MFSD11: variants seen among roughly 807,000 people sequenced by gnomAD.
MFSD11 encodes the protein major facilitator superfamily domain containing 11.
A neutral mutation model predicts 53.5 loss-of-function variants in MFSD11; 36 were observed. That is an observed-to-expected ratio of 0.67 (90% CI 0.52 to 0.89). The LOEUF is 0.89. Ranked by LOEUF, MFSD11 falls within the 40% of genes least tolerant of loss-of-function variation. The probability of loss-of-function intolerance (pLI) is 0.00; values close to 1 mark genes in which losing one functional copy is unlikely to be tolerated. For synonymous variants in MFSD11, 186 were observed against 184.9 expected, an observed-to-expected ratio of 1.01 and a Z score of -0.05; for missense variants, 530 against 543.9, an observed-to-expected ratio of 0.97 and a Z score of 0.25.
intron 8 of MFSD11, among the ~76,000 whole-genome samples, chr17:76,763,836 A>G (rs192734969): frequency 4.6e-5 from 7 of 151,202 alleles, no homozygotes; most frequent in East Asian, 1.9e-4. Context: ...CAAAAATTGT[A>G]TATATTTATG....
rs547286096 is a variant in MFSD11, at chr17:76,776,045, C to G, written c.1050-361C>G. On this transcript the variant is annotated intron_variant, in intron 11 of 12. Transcript: ENST00000685175. The surrounding 1 kb of genome is among the most constrained non-coding windows in gnomAD (Gnocchi z 4.2). ...CAGCCTAGAATGCAAGTGGCGTGATCTCCGCTCACTGCAACCTCCACCTCC... is the reference window on the plus strand; with the variant it reads ...CAGCCTAGAATGCAAGTGGCGTGATGTCCGCTCACTGCAACCTCCACCTCC... Among the ~76,000 whole-genome samples, 21 of 152,190 alleles carry G rather than the reference C, an allele frequency of 1.4e-4. No individual in the cohort carries two copies. Among genetic ancestry groups the G allele is most frequent in the Non-Finnish European group, 2.4e-4 (16 of 68,034 alleles).
the MFSD11 span, among the ~76,000 whole-genome samples, chr17:76,794,664 T>C: frequency 7.9e-6 from 1 of 126,332 alleles, no homozygotes; most frequent in African/African-American, 3.0e-5. Context: ...AAAAAAAATC[T>C]GAAGAAGATG....
At chr17:76,748,358 C>T (rs1340915724) in intron 7 of MFSD11, among the ~76,000 whole-genome samples, 2 of 152,050 alleles carry the variant, frequency 1.3e-5, no homozygotes, top group Non-Finnish European at 2.9e-5. Context: ...AAAGGCCTCA[C>T]AGAAAAAGAT....
intron 7 of MFSD11, among the ~76,000 whole-genome samples, chr17:76,753,338 C>T (rs982418845): frequency 7.9e-5 from 12 of 151,978 alleles, no homozygotes; most frequent in Admixed American, 2.0e-4. Flanking sequence ...ATAGTAAGGG[C>T]GGTAGAAAAT....
At chr17:76,747,327 A>T (rs145169026) in intron 7 of MFSD11, among the ~76,000 whole-genome samples, 260 of 150,516 alleles carry the variant, frequency 1.7e-3, no homozygotes, top group African/African-American at 5.8e-3. Flanking sequence ...CAGACGGGGC[A>T]ACATGGTGAA....
At position 76,744,309 on chromosome 17, in the gene MFSD11, T is replaced by C; in HGVS notation, c.497-13T>C. The C allele has an allele frequency of 6.2e-7, 1 of 1,600,044 alleles. No individual in the cohort carries two copies. Among genetic ancestry groups the C allele is most frequent in the Non-Finnish European group, 8.5e-7 (1 of 1,175,802 alleles). On this transcript the variant is annotated splice_polypyrimidine_tract_variant and intron_variant, in intron 6 of 12. Coordinates refer to ENST00000685175, the MANE Select transcript of MFSD11 (RefSeq NM_001242532.5). The stretch of plus-strand genomic sequence containing the variant: ...TGGTCGATACTATCTTGTTTCTTCT[T>C]TTTTCTCCGTAGAGAGTGACCGAAG...
chr17:76,777,289 A>G (rs1342015078), intron 12 of MFSD11, among the ~76,000 whole-genome samples: 1 of 150,810 alleles, frequency 6.6e-6, no homozygotes, highest in Non-Finnish European at 1.5e-5. Context: ...AAAAAAAAAG[A>G]CAGTCTCACT....
Position 76,778,363 on chromosome 17 carries a change from G to A in MFSD11, c.*11G>A, listed in dbSNP as rs762068876. 1.1e-5 allele frequency: 18 copies of A among 1,613,508 alleles called. No individual in the cohort carries two copies. The East Asian group carries it at 1.8e-4, about 16-fold the overall frequency. ...TACCGAAGTATCTGATCTGGTGTCC[G>A]TGAGGGGACACGTATGACCTCAGAA... On this transcript the variant is annotated 3_prime_UTR_variant, in exon 13 of 13. Coordinates refer to ENST00000685175, the MANE Select transcript of MFSD11 (RefSeq NM_001242532.5).
chr17:76,765,961 C>T (rs973183276), intron 8 of MFSD11, among the ~76,000 whole-genome samples: 6 of 151,264 alleles, frequency 4.0e-5, no homozygotes, highest in African/African-American at 9.7e-5. Context: ...ACTGACATGT[C>T]GTTATCACCT....
Position 76,742,261 on chromosome 17 carries a change from T to A in MFSD11, c.425T>A (p.Leu142His), listed in dbSNP as rs1465791795. The A allele has an allele frequency of 6.2e-7, 1 of 1,613,460 alleles. No individual in the cohort carries two copies. Among genetic ancestry groups the A allele is most frequent in the African/African-American group, 1.3e-5 (1 of 74,914 alleles). ...IGRNSGIFWA[L>H]LQSSLFFGNL... Reference sequence around the variant, plus strand: ...AGAAACAGTGGGATTTTCTGGGCACTTCTGCAGTCTAGGTAATTATCCTTT... The same window carrying A: ...AGAAACAGTGGGATTTTCTGGGCACATCTGCAGTCTAGGTAATTATCCTTT... The change falls in exon 5 of 13, where the codon CTT becomes CAT. Residue 142 changes from leucine (L) to histidine (H), a missense_variant. By Grantham distance (99) the Leu-to-His change is moderately conservative. Coordinates refer to ENST00000685175, the MANE Select transcript of MFSD11 (RefSeq NM_001242532.5).
Position 76,738,297 on chromosome 17 carries a change from C to G in MFSD11, c.-56C>G, listed in dbSNP as rs745838537. The G allele has an allele frequency of 8.6e-7, 1 of 1,157,770 alleles. No homozygotes were observed. The highest frequency in any genetic ancestry group is 1.5e-5 in the African/African-American group (1 of 65,066). The allele number at this position is 1,157,770 out of a possible 1,614,324, so 71.7% of individuals were successfully genotyped here. On this transcript the variant is annotated 5_prime_UTR_variant, in exon 1 of 13. Transcript: ENST00000685175. ...CTTTCTCCAGGATTGTCAGTGGCTT[C>G]GCCCCGAGGAGAGCTGACTGCCCTG...
downstream of MFSD11, chr17:76,781,597 T>C (rs916661726): frequency 2.6e-5 from 4 of 152,090 alleles, no homozygotes; most frequent in East Asian, 5.8e-4. Context: ...TCATAATGGA[T>C]CTGTACAACC....
At chr17:76,743,498 C>T in intron 6 of MFSD11, 42 bp downstream of exon 6, 2 of 1,307,238 alleles carry the variant, frequency 1.5e-6, no homozygotes, top group Non-Finnish European at 1.1e-6. Flanking sequence ...ATGTTCAAAG[C>T]ATAATAGGAG....
chr17:76,740,914 GTTC>G (rs2078014078), intron 2 of MFSD11, 40 bp from the exon 3 acceptor site: 18 of 1,044,662 alleles, frequency 1.7e-5, no homozygotes, highest in Admixed American at 2.1e-5. Flanking sequence ...TAAGGGCTTT[GTTC>G]TTTTTTTTTT....
chr17:76,767,108 A>T, intron 8 of MFSD11: 1 of 336,682 alleles, frequency 3.0e-6, no homozygotes, highest in East Asian at 6.2e-5. Flanking sequence ...GTTTTGTTTG[A>T]TTCTATTTTT....
At chr17:76,759,127 C>A (rs1212310958) in intron 8 of MFSD11, among the ~76,000 whole-genome samples, 2 of 152,074 alleles carry the variant, frequency 1.3e-5, no homozygotes, top group Non-Finnish European at 2.9e-5. Flanking sequence ...AATGGTGGCA[C>A]GTCCCAGCTA....
At chr17:76,760,198 T>G (rs1385688256) in intron 8 of MFSD11, among the ~76,000 whole-genome samples, 7 of 125,702 alleles carry the variant, frequency 5.6e-5, no homozygotes, top group South Asian at 2.6e-4. Context: ...AACCCTGGGG[T>G]GGGGGTGGTG....
the MFSD11 span, among the ~76,000 whole-genome samples, chr17:76,793,573 C>T: frequency 1.1e-3 from 166 of 151,202 alleles, 2 homozygotes; most frequent in Non-Finnish European, 1.4e-3. Context: ...GGTCCTGAGG[C>T]GACATACATC....
At chr17:76,750,807 CTT>C (rs869278745) in intron 7 of MFSD11, among the ~76,000 whole-genome samples, 5 of 137,946 alleles carry the variant, frequency 3.6e-5, no homozygotes, top group Admixed American at 7.2e-5. Context: ...GAAATGTAAT[CTT>C]TTTTTTTTTT....
Sources: allele counts gnomAD v4.1 joint callset (sites outside exome capture counted in the v4.1 genomes callset), GRCh38; gene constraint gnomAD v4.1.1; non-coding constraint Gnocchi (gnomAD v3.1); transcripts MANE v1.5; gene names NCBI Gene and HGNC (gene_info 2026-07-23, HGNC 2026-07-21).